ESRRG: variants seen among roughly 807,000 people sequenced by gnomAD.
The protein encoded by ESRRG is estrogen related receptor gamma.
In ESRRG, 13 loss-of-function variants were observed where a neutral mutation model predicts 44.0. The observed-to-expected ratio is 0.30, with a 90% CI of 0.19 to 0.47. ESRRG has a LOEUF of 0.47. Ranked by LOEUF, ESRRG falls within the 20% of genes least tolerant of loss-of-function variation. ESRRG has a pLI of 1.00. For missense variants in ESRRG, 395 were observed against 580.6 expected (o/e 0.68, Z 3.29); for synonymous variants, 215 against 214.6 (o/e 1.00, Z -0.02).
At chr1:216,669,879 C>T (rs1480834825) in intron 2 of ESRRG, among the ~76,000 whole-genome samples, 1 of 146,254 alleles carries the variant, frequency 6.8e-6, no homozygotes, top group Non-Finnish European at 1.5e-5. Flanking sequence ...GAAAGAGACT[C>T]TGTCTCAAAA....
intron 1 of ESRRG, among the ~76,000 whole-genome samples, chr1:216,996,300 T>G (rs1265011354): frequency 1.3e-5 from 2 of 151,892 alleles, no homozygotes; most frequent in Non-Finnish European, 2.9e-5. Flanking sequence ...ATAAAAAGTG[T>G]ACATGCAGAG....
At chr1:216,847,127 A>G (rs1388466926) in intron 2 of ESRRG, among the ~76,000 whole-genome samples, 4 of 152,068 alleles carry the variant, frequency 2.6e-5, no homozygotes, top group Non-Finnish European at 5.9e-5. Context: ...TGCTTAGGCC[A>G]CAAAGGAGAG....
chr1:216,930,868 C>G (rs886353462), intron 2 of ESRRG, among the ~76,000 whole-genome samples: 1 of 152,126 alleles, frequency 6.6e-6, no homozygotes, highest in Admixed American at 6.5e-5. Context: ...AAATGGGAAG[C>G]ATTGCCTGTA....
intron 2 of ESRRG, among the ~76,000 whole-genome samples, chr1:216,792,770 TG>T (rs1176860142): frequency 1.5e-4 from 23 of 152,306 alleles, no homozygotes; most frequent in Admixed American, 1.0e-3. Flanking sequence ...CTGCATGAAA[TG>T]TAGTGGCACA....
At chr1:216,911,236 T>C (rs979682231) in intron 2 of ESRRG, among the ~76,000 whole-genome samples, 1 of 152,166 alleles carries the variant, frequency 6.6e-6, no homozygotes, top group Admixed American at 6.6e-5. Context: ...TGTCCTTCAG[T>C]AAGTGAAAGG....
intron 2 of ESRRG, among the ~76,000 whole-genome samples, chr1:216,753,503 A>G (rs945022563): frequency 6.6e-6 from 1 of 152,136 alleles, no homozygotes; most frequent in Non-Finnish European, 1.5e-5. Context: ...AGAAAATGTC[A>G]GGAAAGGAGT....
chr1:216,820,136 A>G (rs568855064), intron 2 of ESRRG, among the ~76,000 whole-genome samples: 1 of 152,354 alleles, frequency 6.6e-6, no homozygotes, highest in East Asian at 1.9e-4. Flanking sequence ...AAAAATTTTA[A>G]GGAAGTTCTC....
intron 1 of ESRRG, among the ~76,000 whole-genome samples, chr1:216,709,649 T>C (rs1261750024): frequency 6.6e-6 from 1 of 151,936 alleles, no homozygotes; most frequent in Non-Finnish European, 1.5e-5. Context: ...TTATTAACTA[T>C]GATTTTTTTG....
At chr1:217,094,777 A>G (rs2092398619) in intron 1 of ESRRG, among the ~76,000 whole-genome samples, 1 of 152,368 alleles carries the variant, frequency 6.6e-6, no homozygotes, top group African/African-American at 2.4e-5. Context: ...AGTTGGCTAT[A>G]CAAATAAACT....
intron 1 of ESRRG, among the ~76,000 whole-genome samples, chr1:216,968,643 A>C (rs978147473): frequency 1.3e-5 from 2 of 151,174 alleles, no homozygotes; most frequent in Non-Finnish European, 2.9e-5. Context: ...TGTAGCTTTA[A>C]AGTAGTATCA....
intron 2 of ESRRG, among the ~76,000 whole-genome samples, chr1:216,803,265 C>G (rs958132520): frequency 6.6e-6 from 1 of 152,112 alleles, no homozygotes; most frequent in Non-Finnish European, 1.5e-5. Flanking sequence ...CCACACTACA[C>G]GAGTACAAAA....
At chr1:217,108,809 C>T (rs906136730) in intron 1 of ESRRG, among the ~76,000 whole-genome samples, 3 of 152,082 alleles carry the variant, frequency 2.0e-5, no homozygotes, top group Non-Finnish European at 4.4e-5. Flanking sequence ...GCCAATTAAA[C>T]CATTTTTCTT....
chr1:217,036,901 C>T (rs2083004313), intron 1 of ESRRG, among the ~76,000 whole-genome samples: 1 of 152,096 alleles, frequency 6.6e-6, no homozygotes, highest in Non-Finnish European at 1.5e-5. Flanking sequence ...TGACACTTCC[C>T]TCAAGCTGGT....
chr1:216,746,692 A>C (rs531192714), intron 2 of ESRRG, among the ~76,000 whole-genome samples: 1 of 152,288 alleles, frequency 6.6e-6, no homozygotes, highest in African/African-American at 2.4e-5. Context: ...TAAAACTGGT[A>C]AATGTTTGAT....
intron 3 of ESRRG, among the ~76,000 whole-genome samples, chr1:216,607,879 A>T (rs189131626): frequency 1.3e-5 from 2 of 152,346 alleles, no homozygotes; most frequent in Admixed American, 1.3e-4. Flanking sequence ...GTAATCACAC[A>T]AAACCACTAA....
intron 1 of ESRRG, among the ~76,000 whole-genome samples, chr1:217,106,406 A>G (rs1477048910): frequency 1.1e-4 from 16 of 152,146 alleles, no homozygotes; most frequent in South Asian, 4.1e-4. Flanking sequence ...ACACACACAC[A>G]CACACACACA....
In ESRRG at chr1:216,961,389, A is replaced by G. The variant is rs559784051; in HGVS notation, c.-105-21716T>C. Among the ~76,000 whole-genome samples, 170 of 152,268 alleles carry G rather than the reference A, an allele frequency of 1.1e-3. 2 individuals are homozygous for G. Among genetic ancestry groups the G allele is most frequent in the South Asian group, 1.0e-2 (48 of 4,824 alleles). On this transcript the variant is annotated intron_variant, in intron 1 of 7. Transcript: ENST00000359162. ...AATTACCAACCATAAAAAAATGATA[A>G]AGTCTATCTGGATATGAAATTATTT... is the stretch of plus-strand genomic sequence containing the variant.
chr1:216,674,142 A>G (rs12028510), intron 2 of ESRRG, among the ~76,000 whole-genome samples: 28,449 of 152,176 alleles, frequency 0.19, 3,110 homozygotes, highest in East Asian at 0.43. Flanking sequence ...AAGGATTATA[A>G]CACTGTGGAA....
intron 6 of ESRRG, among the ~76,000 whole-genome samples, chr1:216,511,634 T>C (rs1464946024): frequency 6.6e-6 from 1 of 151,654 alleles, no homozygotes; most frequent in African/African-American, 2.4e-5. Flanking sequence ...CAGATGATGT[T>C]GGCCTAGGAA....
Sources: allele counts gnomAD v4.1 joint callset (sites outside exome capture counted in the v4.1 genomes callset), GRCh38; gene constraint gnomAD v4.1.1; transcripts MANE v1.5; gene names NCBI Gene and HGNC (gene_info 2026-07-23, HGNC 2026-07-21).